Variants in FRMD4A observed in about 807,000 individuals in gnomAD.
FRMD4A encodes the protein FERM domain containing 4A.
A neutral mutation model predicts 129.1 loss-of-function variants in FRMD4A; 29 were observed. The observed-to-expected ratio is 0.22, with a 90% confidence interval of 0.17 to 0.31. The LOEUF is 0.31. FRMD4A is among the 10% of genes least tolerant of loss of function. The pLI, the probability that FRMD4A is intolerant of heterozygous loss-of-function variation, is 1.00. For missense variants in FRMD4A, 1,272 were observed against 1,375.8 expected, an observed-to-expected ratio of 0.92 and a Z score of 1.19; for synonymous variants, 634 against 571.6, an observed-to-expected ratio of 1.11 and a Z score of -1.56.
intron 2 of FRMD4A, among the ~76,000 whole-genome samples, chr10:14,227,799 G>T (rs1843496995): frequency 6.6e-6 from 1 of 152,162 alleles, no homozygotes; most frequent in African/African-American, 2.4e-5. Context: ...CATAGTAGGT[G>T]TTGACCAGCA....
chr10:13,670,943 G>A (rs547247351), intron 16 of FRMD4A, among the ~76,000 whole-genome samples: 4 of 152,182 alleles, frequency 2.6e-5, no homozygotes, highest in East Asian at 1.9e-4. Context: ...TCCAAATCCC[G>A]TGCTCTTGAC....
chr10:14,113,848 C>T (rs748107989), intron 2 of FRMD4A, among the ~76,000 whole-genome samples: 1 of 152,176 alleles, frequency 6.6e-6, no homozygotes, highest in Non-Finnish European at 1.5e-5. Flanking sequence ...TCTCCTCCAG[C>T]AGGTTCCTAT....
At chr10:13,735,164 C>T (rs59777800) in intron 12 of FRMD4A, among the ~76,000 whole-genome samples, 1,888 of 152,342 alleles carry the variant, frequency 0.012, 69 homozygotes, top group South Asian at 0.11. Context: ...TGAGCCACTG[C>T]GCCCGGCCAC....
At position 14,112,421 on chromosome 10, in the gene FRMD4A, G is replaced by C. The variant is rs76330866; in HGVS notation, c.45+217637C>G. ...TCGATGTGGTTGTGTCTATTTTCTTGCAATTTATTTCAAAAGAATAAAATA... is the reference window on the plus strand; with the variant it reads ...TCGATGTGGTTGTGTCTATTTTCTTCCAATTTATTTCAAAAGAATAAAATA... On this transcript the variant is annotated intron_variant, in intron 2 of 24. Transcript: ENST00000357447. Among the ~76,000 whole-genome samples the C allele has an allele frequency of 5.0e-3, 756 of 152,258 alleles. 7 individuals carry two copies. Among genetic ancestry groups the C allele is most frequent in the East Asian group, 0.036 (188 of 5,188 alleles).
At chr10:13,916,618 C>T (rs997909280) in intron 2 of FRMD4A, among the ~76,000 whole-genome samples, 1 of 152,138 alleles carries the variant, frequency 6.6e-6, no homozygotes, top group Non-Finnish European at 1.5e-5. Flanking sequence ...CCTGAGGTTC[C>T]CCAGTGTGTG....
At chr10:14,025,687 T>C (rs1832956537) in intron 2 of FRMD4A, among the ~76,000 whole-genome samples, 1 of 152,162 alleles carries the variant, frequency 6.6e-6, no homozygotes, top group South Asian at 2.1e-4. Context: ...ATAACTCCAT[T>C]TCTCCCCTCC....
chr10:13,869,862 A>G (rs1348520181), intron 2 of FRMD4A, among the ~76,000 whole-genome samples: 2 of 152,214 alleles, frequency 1.3e-5, no homozygotes, highest in East Asian at 3.8e-4. Context: ...ATTTATTCAC[A>G]AGCCCTCATT....
chr10:13,894,408 A>G (rs770228128), intron 2 of FRMD4A, among the ~76,000 whole-genome samples: 16 of 152,024 alleles, frequency 1.1e-4, no homozygotes, highest in Non-Finnish European at 2.1e-4. Flanking sequence ...ATCTTTTGCC[A>G]CCCAGCCCCA....
At chr10:13,773,193 T>A (rs1401272330) in intron 6 of FRMD4A, among the ~76,000 whole-genome samples, 1 of 152,202 alleles carries the variant, frequency 6.6e-6, no homozygotes, top group Non-Finnish European at 1.5e-5. Flanking sequence ...TAACTATGCA[T>A]AACTTTTCCC....
chr10:14,125,594 A>G (rs1838786577), intron 2 of FRMD4A, among the ~76,000 whole-genome samples: 1 of 152,212 alleles, frequency 6.6e-6, no homozygotes, highest in African/African-American at 2.4e-5. Flanking sequence ...CTTGTTCACC[A>G]AAGTGTGGTT....
chr10:14,310,642 C>A (rs1846515212), intron 2 of FRMD4A, among the ~76,000 whole-genome samples: 1 of 152,172 alleles, frequency 6.6e-6, no homozygotes, highest in Non-Finnish European at 1.5e-5. Context: ...AAAGCATCTG[C>A]ATAATAAACG....
intron 4 of FRMD4A, among the ~76,000 whole-genome samples, chr10:13,808,807 C>A (rs1411581860): frequency 6.6e-6 from 1 of 152,204 alleles, no homozygotes; most frequent in Non-Finnish European, 1.5e-5. Flanking sequence ...GCTGGAGAGA[C>A]CCTCCCACCT....
intron 12 of FRMD4A, among the ~76,000 whole-genome samples, chr10:13,721,374 C>T (rs2089388970): frequency 6.6e-6 from 1 of 152,070 alleles, no homozygotes; most frequent in South Asian, 2.1e-4. Context: ...CCCGGCTACT[C>T]AGGAGGCTGA....
At chr10:14,240,166 C>A (rs1359667225) in intron 2 of FRMD4A, among the ~76,000 whole-genome samples, 1 of 152,154 alleles carries the variant, frequency 6.6e-6, no homozygotes, top group East Asian at 1.9e-4. Flanking sequence ...TGCTCTCTTC[C>A]CTTCCCCTCC....
At chr10:14,178,066 C>A (rs145291404) in intron 2 of FRMD4A, among the ~76,000 whole-genome samples, 34 of 152,240 alleles carry the variant, frequency 2.2e-4, no homozygotes, top group African/African-American at 5.3e-4. Context: ...CCCTGCCCTA[C>A]GAGGGAAGTA....
In FRMD4A at chr10:14,257,270, G is replaced by T. The variant is rs565435980; in HGVS notation, c.45+72788C>A. The stretch of plus-strand genomic sequence containing the variant: ...CACTTGAACCCAAGAGGTGGAGGTT[G>T]CAGTGAGCCGAGATCGTGCCACCAC... On this transcript the variant is annotated intron_variant, in intron 2 of 24. Coordinates refer to ENST00000357447, the MANE Select transcript of FRMD4A (RefSeq NM_018027.5). Among the ~76,000 whole-genome samples, 6 of 152,192 alleles carry T rather than the reference G, an allele frequency of 3.9e-5. No homozygotes were observed. The East Asian group carries it at 9.6e-4, about 24-fold the overall frequency.
intron 5 of FRMD4A, among the ~76,000 whole-genome samples, chr10:13,789,309 G>A (rs1371811867): frequency 6.6e-6 from 1 of 152,120 alleles, no homozygotes; most frequent in Non-Finnish European, 1.5e-5. Flanking sequence ...CAAGAATCCG[G>A]CCTGTGGACT....
chr10:14,272,291 T>C (rs949303176), intron 2 of FRMD4A, among the ~76,000 whole-genome samples: 2 of 151,956 alleles, frequency 1.3e-5, no homozygotes, highest in African/African-American at 4.8e-5. Context: ...CATGTCACTT[T>C]CCCCCACAAC....
chr10:13,682,061 A>AC (rs1554840058), intron 15 of FRMD4A, among the ~76,000 whole-genome samples: 1 of 116,298 alleles, frequency 8.6e-6, no homozygotes, highest in Non-Finnish European at 2.2e-5. Flanking sequence ...CTCTACAAAA[A>AC]TTAAAAAAAA....
Sources: gnomAD v4.1 joint callset for allele counts (sites outside exome capture counted in the v4.1 genomes callset) on GRCh38, gnomAD v4.1.1 for gene constraint, MANE v1.5 for transcripts, NCBI Gene and HGNC (gene_info 2026-07-23, HGNC 2026-07-21) for gene names.